VPS45: variants seen among roughly 807,000 people sequenced by gnomAD.
VPS45 encodes the protein vacuolar protein sorting 45 homolog, also known as vacuolar protein sorting-associated protein 45.
A neutral mutation model predicts 75.9 loss-of-function variants in VPS45; 35 were observed. The ratio of observed to expected loss-of-function variants is 0.46; its 90% confidence interval spans 0.35 to 0.61. The LOEUF (loss-of-function observed/expected upper bound fraction) is 0.61, where lower values mean the gene tolerates loss of function less well. Among genes scored for constraint, VPS45 ranks in the 20% least tolerant of loss-of-function variants. VPS45 has a pLI of 0.00. For synonymous variants in VPS45, 220 were observed against 238.2 expected, an observed-to-expected ratio of 0.92 and a Z score of 0.70; for missense variants, 559 against 685.9, an observed-to-expected ratio of 0.81 and a Z score of 2.07.
chr1:150,121,315 A>G (rs1375844175), intron 14 of VPS45, among the ~76,000 whole-genome samples: 1 of 152,228 alleles, frequency 6.6e-6, no homozygotes, highest in Non-Finnish European at 1.5e-5. Flanking sequence ...TGTAGTAACC[A>G]ATTACAGAGA....
At chr1:150,108,542 C>T (rs186560182) in intron 13 of VPS45, among the ~76,000 whole-genome samples, 42 of 152,048 alleles carry the variant, frequency 2.8e-4, no homozygotes, top group Admixed American at 1.2e-3. Context: ...CTGAGTATTC[C>T]ACAATTAAGA....
intron 14 of VPS45, among the ~76,000 whole-genome samples, chr1:150,133,717 C>G (rs587725228): frequency 1.3e-5 from 2 of 152,306 alleles, no homozygotes; most frequent in African/African-American, 4.8e-5. Flanking sequence ...TCCCATACAT[C>G]TACACCTCTT....
intron 14 of VPS45, among the ~76,000 whole-genome samples, chr1:150,130,047 T>TA (rs1658745000): frequency 6.6e-6 from 1 of 151,834 alleles, no homozygotes; most frequent in Non-Finnish European, 1.5e-5. Flanking sequence ...TCTATTTATT[T>TA]GAGATGGAGT....
rs1655787524 is a variant in VPS45 at position 150,082,772 on chromosome 1, T to C, written c.993T>C (p.His331=). 6.2e-7 allele frequency: 1 copy of C among 1,614,064 alleles called. No homozygotes were observed. Among genetic ancestry groups the C allele is most frequent in the African/African-American group, 1.3e-5 (1 of 74,924 alleles). ...FKKMSGTVSK[H]VTVVGELSRL... Reference sequence around the variant, plus strand: ...AAATGTCTGGGACTGTTTCAAAGCATGTGACAGTGGTTGGAGAACTGTCTC... The same window carrying C: ...AAATGTCTGGGACTGTTTCAAAGCACGTGACAGTGGTTGGAGAACTGTCTC... The change falls in exon 10 of 15, where the codon CAT becomes CAC. Residue 331 remains histidine (H), a synonymous_variant. Coordinates refer to ENST00000644510, the MANE Select transcript of VPS45 (RefSeq NM_007259.5).
At chr1:150,071,245 T>C (rs1655052705) in intron 2 of VPS45, among the ~76,000 whole-genome samples, 1 of 152,166 alleles carries the variant, frequency 6.6e-6, no homozygotes, top group Non-Finnish European at 1.5e-5. Flanking sequence ...TATAATCTTA[T>C]GTAATTGGAA....
chr1:150,105,652 T>C (rs1262305546), intron 13 of VPS45, among the ~76,000 whole-genome samples: 1 of 152,170 alleles, frequency 6.6e-6, no homozygotes, highest in Non-Finnish European at 1.5e-5. Flanking sequence ...TGCTTATGGA[T>C]TGGAAGAATC....
chr1:150,092,865 G>A (rs182847446), intron 12 of VPS45, among the ~76,000 whole-genome samples: 2,308 of 93,730 alleles, frequency 0.025, 64 homozygotes, highest in African/African-American at 0.087. Context: ...TTTTTGAGAC[G>A]GAGTCTCGCT....
At chr1:150,134,162 G>C (rs782107904) in intron 14 of VPS45, among the ~76,000 whole-genome samples, 2 of 152,164 alleles carry the variant, frequency 1.3e-5, no homozygotes, top group Non-Finnish European at 2.9e-5. Flanking sequence ...CTTTAATTCA[G>C]TGTATTCCAA....
At chr1:150,076,063 A>AATATATATATATATATATATATAT (rs71825614) in intron 3 of VPS45, among the ~76,000 whole-genome samples, 170 bp from the exon 4 acceptor site, 5 of 140,050 alleles carry the variant, frequency 3.6e-5, no homozygotes, top group Admixed American at 3.5e-4. Flanking sequence ...GTCCTTTTAA[A>AATATATATATATATATATATATAT]ATATATATAT....
chr1:150,140,386 G>GGTGTGTGTGTGTGTGTGTGT (rs574312693), intron 14 of VPS45, among the ~76,000 whole-genome samples: 17 of 140,430 alleles, frequency 1.2e-4, no homozygotes, highest in African/African-American at 4.0e-4. Flanking sequence ...CATCACTTCT[G>GGTGTGTGTGTGTGTGTGTGT]GTGTGTGTGT....
chr1:150,128,778 C>A (rs1196433210), intron 14 of VPS45, among the ~76,000 whole-genome samples: 1 of 150,730 alleles, frequency 6.6e-6, no homozygotes, highest in African/African-American at 2.4e-5. Flanking sequence ...CTCGCTCTGT[C>A]GCCCAGGCTG....
intron 14 of VPS45, among the ~76,000 whole-genome samples, chr1:150,112,878 T>C (rs1258902810): frequency 6.6e-6 from 1 of 152,062 alleles, no homozygotes; most frequent in Non-Finnish European, 1.5e-5. Context: ...AGGATACAAC[T>C]CAGGAACAGC....
intron 3 of VPS45, among the ~76,000 whole-genome samples, 170 bp from the exon 4 acceptor site, chr1:150,076,063 A>AATATATATATATATAT (rs71825614): frequency 1.1e-4 from 15 of 140,012 alleles, no homozygotes; most frequent in African/African-American, 4.0e-4. Flanking sequence ...GTCCTTTTAA[A>AATATATATATATATAT]ATATATATAT....
intron 13 of VPS45, among the ~76,000 whole-genome samples, chr1:150,094,569 T>C (rs587757582): frequency 6.6e-6 from 1 of 152,138 alleles, no homozygotes; most frequent in South Asian, 2.1e-4. Flanking sequence ...CTTTTAAAAG[T>C]CCAAGGTTGA....
rs142097922 is a variant in VPS45 at position 150,100,388 on chromosome 1, A to T, written c.1493+6740A>T. Among the ~76,000 whole-genome samples, 834 of 152,358 alleles carry T rather than the reference A, an allele frequency of 5.5e-3. 4 individuals are homozygous for T. Among genetic ancestry groups the T allele is most frequent in the African/African-American group, 0.019 (792 of 41,578 alleles). On this transcript the variant is annotated intron_variant, in intron 13 of 14. Coordinates refer to ENST00000644510, the MANE Select transcript of VPS45 (RefSeq NM_007259.5). ...CTCATGGATAGGAAGAATCAATATC[A>T]TTAAAATGGCTATACTGCCCAAAGC...
chr1:150,092,195 A>G (rs1656360157), intron 11 of VPS45, 100 bp downstream of exon 11: 1 of 1,510,830 alleles, frequency 6.6e-7, no homozygotes. Flanking sequence ...ATTTACAGAA[A>G]TGTATAATTC....
intron 11 of VPS45, 30 bp from the exon 12 acceptor site, chr1:150,092,272 C>A: frequency 6.2e-7 from 1 of 1,605,142 alleles, no homozygotes; most frequent in African/African-American, 1.3e-5. Context: ...GATGCCTAAG[C>A]AATCAAAATT....
At chr1:150,102,547 CAAA>C (rs782571283) in intron 13 of VPS45, among the ~76,000 whole-genome samples, 1 of 143,086 alleles carries the variant, frequency 7.0e-6, no homozygotes. Context: ...AACTCTGTCT[CAAA>C]AAAAAAAAAA....
chr1:150,109,709 C>T (rs1657540514), intron 13 of VPS45: 1 of 152,068 alleles, frequency 6.6e-6, no homozygotes, highest in South Asian at 2.1e-4. Context: ...AAGGAAGGAG[C>T]TAATAGGAAC....
Sources: allele counts gnomAD v4.1 joint callset (sites outside exome capture counted in the v4.1 genomes callset), GRCh38; gene constraint gnomAD v4.1.1; transcripts MANE v1.5; gene names NCBI Gene and HGNC (gene_info 2026-07-23, HGNC 2026-07-21).